The following HIVEP3 variants were observed in gnomAD, a reference collection of about 807,000 sequenced individuals.
HIVEP3 encodes HIVEP zinc finger 3.
In HIVEP3, 49 loss-of-function variants were observed where a neutral mutation model predicts 152.8. That is an observed-to-expected ratio of 0.32 (90% CI 0.26 to 0.41). The LOEUF (loss-of-function observed/expected upper bound fraction) is 0.41. HIVEP3 is among the 10% of genes least tolerant of loss of function. The pLI is 1.00. For missense variants in HIVEP3, 2,790 were observed against 3,103.3 expected (o/e 0.90, Z 2.40); for synonymous variants, 1,269 against 1,289.0 (o/e 0.98, Z 0.33).
chr1:41,783,711 T>A (rs1570530274), intron 1 of HIVEP3, among the ~76,000 whole-genome samples: 1 of 152,136 alleles, frequency 6.6e-6, no homozygotes, highest in East Asian at 1.9e-4. Context: ...GGAGATGACA[T>A]TCGTGGGTAT....
chr1:41,909,551 T>C (rs899581999), intron 1 of HIVEP3, among the ~76,000 whole-genome samples: 1 of 152,054 alleles, frequency 6.6e-6, no homozygotes, highest in African/African-American at 2.4e-5. Context: ...AATACTTCTC[T>C]CAGTAACTGA....
chr1:41,539,153 G>A (rs1237219465), intron 5 of HIVEP3, among the ~76,000 whole-genome samples: 1 of 152,144 alleles, frequency 6.6e-6, no homozygotes, highest in African/African-American at 2.4e-5. Flanking sequence ...TGCATCCTTG[G>A]ATTAGGCCAT....
At chr1:41,823,810 T>G (rs1027974834) in intron 1 of HIVEP3, among the ~76,000 whole-genome samples, 1 of 152,080 alleles carries the variant, frequency 6.6e-6, no homozygotes, top group Non-Finnish European at 1.5e-5. Context: ...TCACTGGGGG[T>G]ACACACAGCT....
rs1399583605 is a variant in HIVEP3, at chr1:41,675,833, T to C, written c.-721+25083A>G. ...TGTGCAGGGGTGGTGGGTGAGCCCA[T>C]GGGAAGGAGAACCAGGCCACAGGCT... On this transcript the variant is annotated intron_variant, in intron 2 of 8. Coordinates refer to ENST00000372583, the MANE Select transcript of HIVEP3 (RefSeq NM_024503.5). 4.6e-5 allele frequency among the ~76,000 whole-genome samples: 7 copies of C among 152,084 alleles called. No individual in the cohort carries two copies. In the South Asian group the frequency reaches 6.2e-4, roughly 14 times the overall value.
At chr1:41,797,074 A>C (rs1650026583) in intron 1 of HIVEP3, among the ~76,000 whole-genome samples, 1 of 152,170 alleles carries the variant, frequency 6.6e-6, no homozygotes, top group African/African-American at 2.4e-5. Flanking sequence ...TCTCACTCAG[A>C]GTTCTCCCTC....
chr1:41,550,503 G>A (rs1297562865), intron 5 of HIVEP3, among the ~76,000 whole-genome samples: 1 of 152,308 alleles, frequency 6.6e-6, no homozygotes, highest in African/African-American at 2.4e-5. Flanking sequence ...CTATCCATGA[G>A]CATGAAATGG....
At chr1:41,601,635 T>C (rs1331868072) in intron 3 of HIVEP3, among the ~76,000 whole-genome samples, 12 of 152,186 alleles carry the variant, frequency 7.9e-5, no homozygotes. Context: ...TTAGTTCTAA[T>C]ACTTTTTAAT....
rs553094471 is a variant in HIVEP3 at position 41,932,301 on chromosome 1, TTTTG to T, written n.120-13781_120-13778del. 4.1e-3 allele frequency among the ~76,000 whole-genome samples: 626 copies of T among 152,018 alleles called. 7 individuals are homozygous for T. Among genetic ancestry groups the T allele is most frequent in the African/African-American group, 0.015 (606 of 41,542 alleles). ...AGCCTTGCATTTTTTTGTTTTGTTT[TTTTG>T]TTTGTTTGTTTGTTTTTGGAAGGCT... On this transcript the variant is annotated intron_variant and non_coding_transcript_variant, in intron 1 of 3. Coordinates refer to the HIVEP3 transcript ENST00000489103.
At chr1:41,689,161 T>A (rs2124105224) in intron 2 of HIVEP3, among the ~76,000 whole-genome samples, 2 of 152,360 alleles carry the variant, frequency 1.3e-5, no homozygotes, top group East Asian at 3.9e-4. Flanking sequence ...TACGTATTGA[T>A]GTTTCCGTAG....
intron 1 of HIVEP3, among the ~76,000 whole-genome samples, chr1:41,746,305 C>T (rs1410854012): frequency 2.0e-5 from 3 of 152,222 alleles, no homozygotes; most frequent in African/African-American, 4.8e-5. Context: ...CCATCAACCC[C>T]GTTTGCTTCA....
intron 1 of HIVEP3, among the ~76,000 whole-genome samples, chr1:41,825,832 T>G (rs1570616868): frequency 6.6e-6 from 1 of 152,038 alleles, no homozygotes; most frequent in East Asian, 1.9e-4. Flanking sequence ...GGTCTCGAAC[T>G]GCTGGGCTCA....
intron 1 of HIVEP3, among the ~76,000 whole-genome samples, chr1:41,746,147 T>C (rs972036476): frequency 6.6e-6 from 1 of 152,184 alleles, no homozygotes; most frequent in Non-Finnish European, 1.5e-5. Flanking sequence ...TTTCCCTCTG[T>C]GGCTAATGCA....
intron 1 of HIVEP3, among the ~76,000 whole-genome samples, chr1:41,914,789 G>C (rs933326038): frequency 3.9e-5 from 6 of 152,220 alleles, no homozygotes; most frequent in African/African-American, 1.4e-4. Flanking sequence ...ACAGATAGCA[G>C]TAGGGTCTAC....
At chr1:41,686,818 T>C (rs946863415) in intron 2 of HIVEP3, among the ~76,000 whole-genome samples, 29 of 152,168 alleles carry the variant, frequency 1.9e-4, no homozygotes, top group African/African-American at 7.0e-4. Context: ...TGCAGAGTTA[T>C]CAGAGGAGCA....
rs563544671 is a variant in HIVEP3 at position 41,581,954 on chromosome 1, C to T, written c.2844G>A (p.Ser948=). Residue 948 remains serine (S), a synonymous_variant, in exon 4 of 9, where the codon TCG becomes TCA. Transcript: ENST00000372583. This position sits in a 1 kb window ranked among gnomAD's most constrained non-coding sequence, Gnocchi z 4.5. ...CTTTCCCATGGTCATCCCTCTCAAA[C>T]GAGGCTGAGCGGCTGGACCCACTCA... is the stretch of plus-strand genomic sequence containing the variant. ...VSLSGSSRSA[S]FERDDHGKAE... 840 of 1,614,152 alleles carry T rather than the reference C, an allele frequency of 5.2e-4. 8 individuals carry two copies. In the South Asian group the frequency reaches 7.6e-3, roughly 15 times the overall value.
intron 1 of HIVEP3, among the ~76,000 whole-genome samples, chr1:41,701,981 T>C (rs1646370012): frequency 6.6e-6 from 1 of 152,172 alleles, no homozygotes; most frequent in African/African-American, 2.4e-5. Context: ...GAGGTACACT[T>C]AAGCTTAAGC....
rs534376261 is a variant in HIVEP3, at chr1:41,794,722, T to C, written c.-800-93727A>G. Reference sequence around the variant, plus strand: ...TACTAGGCAAACTAAACTTTTCCCATGTTTATTAGGCTTTTTGAATTTCTT... The same window carrying C: ...TACTAGGCAAACTAAACTTTTCCCACGTTTATTAGGCTTTTTGAATTTCTT... On this transcript the variant is annotated intron_variant, in intron 1 of 8. Coordinates refer to ENST00000372583, the MANE Select transcript of HIVEP3 (RefSeq NM_024503.5). Among the ~76,000 whole-genome samples the C allele has an allele frequency of 3.3e-5, 5 of 152,356 alleles. No homozygotes were observed. The East Asian group carries it at 7.7e-4, about 24-fold the overall frequency.
intron 1 of HIVEP3, among the ~76,000 whole-genome samples, chr1:42,006,590 G>A (rs1570886814): frequency 7.2e-6 from 1 of 139,256 alleles, no homozygotes; most frequent in Admixed American, 7.1e-5. Context: ...AAAAAACTGT[G>A]AAAAGAGTGG....
At chr1:41,576,715 C>T (rs1474544594) in intron 4 of HIVEP3, among the ~76,000 whole-genome samples, 1 of 152,212 alleles carries the variant, frequency 6.6e-6, no homozygotes, top group Non-Finnish European at 1.5e-5. Flanking sequence ...AGAAAGGTGA[C>T]TGGCTGGGAA....
Sources: allele counts gnomAD v4.1 joint callset (sites outside exome capture counted in the v4.1 genomes callset), GRCh38; gene constraint gnomAD v4.1.1; non-coding constraint Gnocchi (gnomAD v3.1); transcripts MANE v1.5; gene names NCBI Gene and HGNC (gene_info 2026-07-23, HGNC 2026-07-21).